Variants in NAV2 observed in about 807,000 individuals in gnomAD.
The protein encoded by NAV2 is helicase, APC down-regulated 1.
In NAV2, 54 loss-of-function variants were observed where a neutral mutation model predicts 223.2. The observed-to-expected ratio is 0.24, with a 90% CI of 0.19 to 0.30. The LOEUF (loss-of-function observed/expected upper bound fraction) is 0.30. Among genes scored for constraint, NAV2 ranks in the 10% least tolerant of loss-of-function variants. The probability of loss-of-function intolerance (pLI) is 1.00; values close to 1 mark genes in which losing one functional copy is unlikely to be tolerated. For synonymous variants in NAV2, 1,279 were observed against 1,239.3 expected, an observed-to-expected ratio of 1.03 and a Z score of -0.67; for missense variants, 2,806 against 3,147.5, an observed-to-expected ratio of 0.89 and a Z score of 2.60.
intron 1 of NAV2, among the ~76,000 whole-genome samples, chr11:19,594,102 CAG>C (rs2046136285): frequency 6.6e-6 from 1 of 152,118 alleles, no homozygotes; most frequent in Non-Finnish European, 1.5e-5. Flanking sequence ...GGAAACATCA[CAG>C]TGAATTTCAT....
chr11:19,626,255 G>A (rs546669254), intron 1 of NAV2, among the ~76,000 whole-genome samples: 3 of 152,150 alleles, frequency 2.0e-5, no homozygotes, highest in South Asian at 2.1e-4. Context: ...TACATATCCA[G>A]TTTTCCCAAC....
chr11:19,714,436 A>G (rs910988400), intron 1 of NAV2: 1 of 458,234 alleles, frequency 2.2e-6, no homozygotes, highest in Non-Finnish European at 4.4e-6. Context: ...CAGGAAGAAA[A>G]GGGGATCGCG....
intron 1 of NAV2, among the ~76,000 whole-genome samples, chr11:19,600,056 G>T (rs962684331): frequency 4.6e-5 from 7 of 152,200 alleles, no homozygotes; most frequent in African/African-American, 1.7e-4. Flanking sequence ...GAGTGAGACA[G>T]CGAGGAGAAA....
At chr11:19,509,331 G>A (rs1463341032) in intron 1 of NAV2, among the ~76,000 whole-genome samples, 1 of 152,122 alleles carries the variant, frequency 6.6e-6, no homozygotes, top group Non-Finnish European at 1.5e-5. Flanking sequence ...AATCATCTTG[G>A]ACAGGAACTA....
At chr11:19,944,062 G>A (rs1157986062) in intron 8 of NAV2, among the ~76,000 whole-genome samples, 1 of 152,102 alleles carries the variant, frequency 6.6e-6, no homozygotes, top group African/African-American at 2.4e-5. Flanking sequence ...TTAGCCGGGT[G>A]TGGTGGCGGG....
In NAV2 at chr11:20,105,846, A is replaced by G. The variant is rs1007313990; in HGVS notation, c.6841+119A>G. 59 of 803,174 alleles carry G rather than the reference A, an allele frequency of 7.3e-5. No individual in the cohort carries two copies. The African/African-American group carries it at 1.0e-3, about 14-fold the overall frequency. 49.8% of individuals were successfully genotyped at this position (803,174 alleles called of 1,614,324 possible). A position where few individuals can be genotyped will look rare whatever the true frequency, so the allele number is the denominator to read the frequency against. On this transcript the variant is annotated intron_variant, in intron 35 of 37. Transcript: ENST00000349880. ...AGCAGAAGCTGGACTGTCCATAAAGATAGAAAGTGGGGCAGAGGGACAGTC... is the reference window on the plus strand; with the variant it reads ...AGCAGAAGCTGGACTGTCCATAAAGGTAGAAAGTGGGGCAGAGGGACAGTC...
chr11:19,693,502 C>T (rs2049243888), intron 1 of NAV2, among the ~76,000 whole-genome samples: 1 of 152,140 alleles, frequency 6.6e-6, no homozygotes, highest in Non-Finnish European at 1.5e-5. Context: ...TTTAAGAGGC[C>T]ACCAAAGTCA....
At chr11:19,714,129 C>T in intron 1 of NAV2, 167 bp downstream of exon 1, 1 of 1,038,132 alleles carries the variant, frequency 9.6e-7, no homozygotes, top group Non-Finnish European at 1.4e-6. Context: ...GGAGAGTGGG[C>T]CGGCCGGTGG....
At chr11:19,432,793 C>T (rs61878126) in intron 1 of NAV2, among the ~76,000 whole-genome samples, 6,800 of 152,272 alleles carry the variant, frequency 0.045, 235 homozygotes, top group South Asian at 0.088. Flanking sequence ...CTGTGAGGCC[C>T]AGGTTCTTGT....
chr11:19,389,225 A>G (rs1042482161), intron 1 of NAV2, among the ~76,000 whole-genome samples: 2 of 152,240 alleles, frequency 1.3e-5, no homozygotes, highest in African/African-American at 4.8e-5. Context: ...TCAATCCACC[A>G]GGTTGTCAAT....
intron 1 of NAV2, among the ~76,000 whole-genome samples, chr11:19,706,871 G>A (rs2152295813): frequency 6.6e-6 from 1 of 152,256 alleles, no homozygotes; most frequent in Middle Eastern, 3.4e-3. Context: ...CACAAACCTA[G>A]ATGGGATGGC....
At chr11:20,087,805 G>A (rs959588170) in intron 26 of NAV2, among the ~76,000 whole-genome samples, 13 of 152,114 alleles carry the variant, frequency 8.5e-5, no homozygotes, top group African/African-American at 2.7e-4. Context: ...GTGCAGTCTT[G>A]GGCCTGCTTG....
chr11:20,044,413 A>AT, intron 13 of NAV2, 141 bp downstream of exon 13: 2 of 757,328 alleles, frequency 2.6e-6, no homozygotes, highest in Non-Finnish European at 4.1e-6. Flanking sequence ...AAACTTTCAC[A>AT]TCCCTACCTT....
At chr11:19,413,585 A>T (rs1235242157) in intron 1 of NAV2, among the ~76,000 whole-genome samples, 1 of 152,204 alleles carries the variant, frequency 6.6e-6, no homozygotes, top group Non-Finnish European at 1.5e-5. Flanking sequence ...CACCACAAAG[A>T]TACTCCTCGA....
chr11:19,583,274 T>G (rs1296317407), intron 1 of NAV2, among the ~76,000 whole-genome samples: 1 of 152,228 alleles, frequency 6.6e-6, no homozygotes, highest in East Asian at 1.9e-4. Context: ...AAGGAGATTT[T>G]GGGCTGAGAC....
At chr11:19,792,839 G>A (rs559001465) in intron 1 of NAV2, among the ~76,000 whole-genome samples, 19 of 151,966 alleles carry the variant, frequency 1.3e-4, no homozygotes, top group Non-Finnish European at 2.6e-4. Context: ...GACTTGGGTT[G>A]TGAGGGATGG....
chr11:19,663,348 A>G (rs2135745483), intron 1 of NAV2, among the ~76,000 whole-genome samples: 1 of 152,296 alleles, frequency 6.6e-6, no homozygotes, highest in East Asian at 1.9e-4. Flanking sequence ...ATCTGATTTT[A>G]CTGTCCCCAC....
intron 1 of NAV2, among the ~76,000 whole-genome samples, chr11:19,797,482 T>C (rs1321859905): frequency 6.6e-6 from 1 of 152,180 alleles, no homozygotes; most frequent in Admixed American, 6.5e-5. Flanking sequence ...TTTCCAAGGG[T>C]CAACTTGTAA....
intron 1 of NAV2, among the ~76,000 whole-genome samples, chr11:19,421,950 C>A (rs1166021575): frequency 6.6e-6 from 1 of 152,084 alleles, no homozygotes; most frequent in Non-Finnish European, 1.5e-5. Context: ...TGACACTGTA[C>A]AAGTCACCTA....
Sources: allele counts gnomAD v4.1 joint callset (sites outside exome capture counted in the v4.1 genomes callset), GRCh38; gene constraint gnomAD v4.1.1; transcripts MANE v1.5; gene names NCBI Gene and HGNC (gene_info 2026-07-23, HGNC 2026-07-21).